ARAP2: variants seen among roughly 807,000 people sequenced by gnomAD.
ARAP2 encodes ArfGAP with RhoGAP domain, ankyrin repeat and PH domain 2, also known as arf-GAP with Rho-GAP domain, ANK repeat and PH domain-containing protein 2.
Under a neutral mutation model 194.5 loss-of-function variants are expected in ARAP2, and 148 were observed. That is an observed-to-expected ratio of 0.76 (90% CI 0.67 to 0.87). The LOEUF is 0.87. ARAP2 is among the 40% of genes least tolerant of loss of function. ARAP2 has a pLI of 0.00. For synonymous variants in ARAP2, 695 were observed against 683.5 expected, an observed-to-expected ratio of 1.02 and a Z score of -0.26; for missense variants, 2,128 against 1,989.7, an observed-to-expected ratio of 1.07 and a Z score of -1.32.
Position 36,214,465 on chromosome 4 carries a change from T to C in ARAP2, c.921A>G (p.Arg307=). 1 of 1,594,554 alleles carries C rather than the reference T, an allele frequency of 6.3e-7. No homozygotes were observed. The highest frequency in any genetic ancestry group is 1.1e-5 in the South Asian group (1 of 88,152). ...TTTCAGTTGAGGTAGCAACATTTCTTCTTTCACGGAAATAGCTTAAAAAGC... is the reference window on the plus strand; with the variant it reads ...TTTCAGTTGAGGTAGCAACATTTCTCCTTTCACGGAAATAGCTTAAAAAGC... ...KGVSGSYFRE[R]RNVATSTEKS... is the part of the protein sequence containing the mutation. Residue 307 remains arginine, a synonymous_variant, in exon 3 of 33, where the codon AGA becomes AGG. Transcript: ENST00000303965.
At chr4:36,123,468 CTTTAA>C (rs1388681456) in intron 22 of ARAP2, among the ~76,000 whole-genome samples, 2 of 151,722 alleles carry the variant, frequency 1.3e-5, no homozygotes, top group Non-Finnish European at 2.9e-5. Context: ...CCTCTCTTGT[CTTTAA>C]TTTAAGTGGC....
rs184557548 is a variant in ARAP2, at chr4:36,041,182, A to G, written n.607+4797T>C. The stretch of plus-strand genomic sequence containing the variant: ...GGGCAAAAATTGACAAATGTGATCT[A>G]ATTAGACTCAAGAGCTTCTGCACAG... On this transcript the variant is annotated intron_variant and non_coding_transcript_variant, in intron 5 of 12. Transcript: ENST00000503225. Among the ~76,000 whole-genome samples the G allele has an allele frequency of 2.3e-4, 35 of 152,302 alleles. 1 individual carries two copies. Among genetic ancestry groups the G allele is most frequent in the Admixed American group, 5.2e-4 (8 of 15,286 alleles).
At chr4:36,006,813 A>G (rs920007200) in intron 10 of ARAP2, 6 of 152,328 alleles carry the variant, frequency 3.9e-5, no homozygotes, top group Middle Eastern at 3.4e-3. Flanking sequence ...CAAGCAAAGT[A>G]TATTAACTGA....
intron 26 of ARAP2, among the ~76,000 whole-genome samples, chr4:36,108,406 T>C (rs1386110258): frequency 6.6e-6 from 1 of 151,974 alleles, no homozygotes; most frequent in Non-Finnish European, 1.5e-5. Flanking sequence ...ATAGCTAATA[T>C]TTTCATAATC....
intron 12 of ARAP2, 62 bp downstream of exon 12, chr4:36,161,403 T>C: frequency 2.9e-6 from 4 of 1,387,868 alleles, no homozygotes; most frequent in South Asian, 2.3e-5. Context: ...ACAGCAAACC[T>C]CCTCCCAGTC....
chr4:36,041,317 T>G (rs1369718730), intron 5 of ARAP2, among the ~76,000 whole-genome samples: 2 of 152,042 alleles, frequency 1.3e-5, no homozygotes, highest in Admixed American at 1.3e-4. Context: ...AATAAAAAGC[T>G]TAAACAAATT....
At chr4:36,152,697 A>T (rs1731287195) in intron 15 of ARAP2, among the ~76,000 whole-genome samples, 2 of 152,134 alleles carry the variant, frequency 1.3e-5, no homozygotes, top group African/African-American at 4.8e-5. Flanking sequence ...GCAAAGAAAA[A>T]TGTCTATAAA....
At chr4:36,132,077 A>G (rs933015637) in intron 20 of ARAP2, among the ~76,000 whole-genome samples, 1 of 151,788 alleles carries the variant, frequency 6.6e-6, no homozygotes, top group Non-Finnish European at 1.5e-5. Context: ...AAGAGATTAA[A>G]ATATGCCTAA....
intron 8 of ARAP2, among the ~76,000 whole-genome samples, chr4:36,014,295 A>AAGAAAGAAAGAAAGAAAGAAGAGAAG (rs1553861836): frequency 2.8e-5 from 4 of 143,360 alleles, no homozygotes; most frequent in African/African-American, 8.2e-5. Flanking sequence ...GAAAGAAAGA[A>AAGAAAGAAAGAAAGAAAGAAGAGAAG]AGAAGAGAAG....
chr4:36,016,840 C>T (rs1715901691), intron 6 of ARAP2, among the ~76,000 whole-genome samples: 1 of 152,112 alleles, frequency 6.6e-6, no homozygotes, highest in African/African-American at 2.4e-5. Context: ...CTTTGAGAGA[C>T]CTCTGTCTGT....
chr4:36,199,454 G>C (rs914749844), intron 6 of ARAP2, among the ~76,000 whole-genome samples: 1 of 152,082 alleles, frequency 6.6e-6, no homozygotes, highest in South Asian at 2.1e-4. Context: ...ACCATATCCA[G>C]CTAATTTTTG....
At chr4:36,237,864 T>C (rs563336035) in intron 1 of ARAP2, among the ~76,000 whole-genome samples, 16 of 152,150 alleles carry the variant, frequency 1.1e-4, no homozygotes, top group Non-Finnish European at 1.8e-4. Flanking sequence ...TCACTCCAAG[T>C]ATAGATAAAG....
In ARAP2 at chr4:36,099,516, T is replaced by C. The variant is rs73806447; in HGVS notation, c.4286-7496A>G. ...CTATAAAGGAAGAGAAAATTCACTTTTATTTGAGCTACTCTTTACTCCTCT... is the reference window on the plus strand; with the variant it reads ...CTATAAAGGAAGAGAAAATTCACTTCTATTTGAGCTACTCTTTACTCCTCT... On this transcript the variant is annotated intron_variant, in intron 27 of 32. Transcript: ENST00000303965. Among the ~76,000 whole-genome samples the C allele has an allele frequency of 5.6e-3, 859 of 152,210 alleles. 9 individuals carry two copies. Among genetic ancestry groups the C allele is most frequent in the African/African-American group, 0.02 (811 of 41,552 alleles).
At chr4:36,212,287 C>A in intron 5 of ARAP2, 109 bp downstream of exon 5, 2 of 881,110 alleles carry the variant, frequency 2.3e-6, no homozygotes, top group South Asian at 4.9e-5. Flanking sequence ...TTGAACTTAT[C>A]ACCATAAACT....
chr4:36,215,321 C>A (rs1167591467), intron 2 of ARAP2, among the ~76,000 whole-genome samples: 1 of 152,130 alleles, frequency 6.6e-6, no homozygotes, highest in Admixed American at 6.5e-5. Context: ...GAAAAAAGTT[C>A]CGAAGAAATG....
intron 2 of ARAP2, among the ~76,000 whole-genome samples, chr4:36,215,591 A>G (rs1207283161): frequency 1.3e-5 from 2 of 152,252 alleles, no homozygotes; most frequent in African/African-American, 2.4e-5. Context: ...TTTAGTATTT[A>G]CCAAAATTTA....
At chr4:36,167,907 C>G (rs1227529805) in intron 9 of ARAP2, among the ~76,000 whole-genome samples, 1 of 151,498 alleles carries the variant, frequency 6.6e-6, no homozygotes. Flanking sequence ...CTTTACAAAA[C>G]AATATGTACA....
At chr4:36,043,847 G>GGAAGGGAA (rs1721336618) in intron 5 of ARAP2, among the ~76,000 whole-genome samples, 1 of 16,612 alleles carries the variant, frequency 6.0e-5, no homozygotes, top group Non-Finnish European at 1.4e-4. Context: ...AGGGGAGGGG[G>GGAAGGGAA]GAGGGGAGGG....
intron 1 of ARAP2, among the ~76,000 whole-genome samples, chr4:36,242,361 CTATT>C (rs1458592328): frequency 6.6e-6 from 1 of 152,116 alleles, no homozygotes; most frequent in African/African-American, 2.4e-5. Flanking sequence ...TAAAAGAAAA[CTATT>C]AAAGCAATGA....
Sources: gnomAD v4.1 joint callset for allele counts (sites outside exome capture counted in the v4.1 genomes callset) on GRCh38, gnomAD v4.1.1 for gene constraint, MANE v1.5 for transcripts, NCBI Gene and HGNC (gene_info 2026-07-23, HGNC 2026-07-21) for gene names.